Variants in YME1L1 observed in about 807,000 individuals in gnomAD.
YME1L1 encodes the protein YME1 like 1 ATPase.
A neutral mutation model predicts 90.4 loss-of-function variants in YME1L1; 39 were observed. That is an observed-to-expected ratio of 0.43 (90% confidence interval 0.33 to 0.56). YME1L1 has a LOEUF of 0.56. Among genes scored for constraint, YME1L1 ranks in the 20% least tolerant of loss-of-function variants. The probability of loss-of-function intolerance (pLI) is 0.03; values close to 1 mark genes in which losing one functional copy is unlikely to be tolerated. For missense variants in YME1L1, 617 were observed against 868.4 expected (o/e 0.71, Z 3.64); for synonymous variants, 284 against 287.3 (o/e 0.99, Z 0.12).
At chr10:27,113,991 A>C (rs1418157894) in intron 18 of YME1L1, among the ~76,000 whole-genome samples, 2 of 152,036 alleles carry the variant, frequency 1.3e-5, no homozygotes, top group Admixed American at 1.3e-4. Flanking sequence ...TACATGTCAA[A>C]GACTCAATAA....
At chr10:27,151,221 G>A (rs1203064861) in intron 1 of YME1L1, among the ~76,000 whole-genome samples, 9 of 152,166 alleles carry the variant, frequency 5.9e-5, no homozygotes, top group South Asian at 4.2e-4. Context: ...CGCGCCTGGC[G>A]ACTCTCTCGA....
chr10:27,149,711 CAAAAAAAAAAA>C (rs58900380), intron 1 of YME1L1, among the ~76,000 whole-genome samples: 4 of 32,360 alleles, frequency 1.2e-4, no homozygotes, highest in Non-Finnish European at 2.9e-4. Context: ...ACCTGTCTCT[CAAAAAAAAAAA>C]AAAAAAAAAA....
At chr10:27,120,044 A>G (rs1194955697) in intron 13 of YME1L1, among the ~76,000 whole-genome samples, 1 of 152,060 alleles carries the variant, frequency 6.6e-6, no homozygotes, top group Non-Finnish European at 1.5e-5. Context: ...ATAAATTTCC[A>G]TGTGTTTTGT....
rs1243954688 is a variant in YME1L1, at chr10:27,110,861, A to C, written c.*1116T>G. 1 of 152,098 alleles carries C rather than the reference A, an allele frequency of 6.6e-6. No individual in the cohort carries two copies. The highest frequency in any genetic ancestry group is 1.5e-5 in the Non-Finnish European group (1 of 68,014). 9.4% of individuals were successfully genotyped at this position (152,098 alleles called of 1,614,324 possible). ...ATGCACACAGCATTTCTGAAAGGTT[A>C]TAATAATTTATTTAATTTTTTTTTG... On this transcript the variant is annotated 3_prime_UTR_variant, in exon 19 of 19. Coordinates refer to ENST00000376016, the MANE Select transcript of YME1L1 (RefSeq NM_014263.4).
At chr10:27,129,948 C>A (rs1218880278) in intron 8 of YME1L1, among the ~76,000 whole-genome samples, 2 of 152,190 alleles carry the variant, frequency 1.3e-5, no homozygotes, top group Non-Finnish European at 2.9e-5. Context: ...AGTTTACCAA[C>A]ATTCCAACTT....
chr10:27,114,145 A>G (rs2056788506), intron 18 of YME1L1, among the ~76,000 whole-genome samples: 1 of 152,130 alleles, frequency 6.6e-6, no homozygotes, highest in Non-Finnish European at 1.5e-5. Context: ...GATGAATTGT[A>G]TAGTGGTAAA....
chr10:27,137,444 T>C (rs1481093628), intron 4 of YME1L1, among the ~76,000 whole-genome samples: 3 of 152,226 alleles, frequency 2.0e-5, no homozygotes, highest in South Asian at 2.1e-4. Context: ...AACATTCTTA[T>C]ATATGTATGT....
chr10:27,126,690 T>C lies in YME1L1; in HGVS notation c.949+6A>G, dbSNP rs955097137. On this transcript the variant is annotated splice_donor_region_variant and intron_variant, in intron 9 of 18. Transcript: ENST00000376016. ...ATCAAATCATGATAAAGAAAAGATATCTTACCTTTTGGAAGTTTACCTCCA... is the reference window on the plus strand; with the variant it reads ...ATCAAATCATGATAAAGAAAAGATACCTTACCTTTTGGAAGTTTACCTCCA... The C allele has an allele frequency of 1.4e-6, 2 of 1,444,458 alleles. No individual in the cohort carries two copies. Among genetic ancestry groups the C allele is most frequent in the East Asian group, 4.7e-5 (2 of 42,408 alleles). 89.5% of individuals were successfully genotyped at this position (1,444,458 alleles called of 1,614,324 possible).
chr10:27,116,301 G>A lies in YME1L1; in HGVS notation c.1764C>T (p.Ala588=). The A allele has an allele frequency of 1.2e-6, 2 of 1,614,096 alleles. No individual in the cohort carries two copies. Among genetic ancestry groups the A allele is most frequent in the Non-Finnish European group, 1.7e-6 (2 of 1,180,016 alleles). ...TAACATCCATTTGTGCAAGCAGCTG[G>A]GCTCTAGTTTCATTCCATCTGTCAT... is the stretch of plus-strand genomic sequence containing the variant. The part of the protein sequence containing the change: ...PENDRWNETR[A]QLLAQMDVSM... The change falls in exon 16 of 19, where the codon GCC becomes GCT. Residue 588 remains alanine (A), a synonymous_variant. Transcript: ENST00000376016.
chr10:27,123,446 A>G, intron 10 of YME1L1, 101 bp downstream of exon 10: 1 of 1,390,982 alleles, frequency 7.2e-7, no homozygotes, highest in African/African-American at 1.5e-5. Context: ...AAAAATAGAA[A>G]TTAAAAAAAG....
intron 1 of YME1L1, chr10:27,153,337 G>C (rs944851318): frequency 6.6e-6 from 3 of 455,102 alleles, no homozygotes; most frequent in Non-Finnish European, 1.3e-5. Context: ...TTACACAAAG[G>C]AACACAATCA....
At position 27,131,946 on chromosome 10, in the gene YME1L1, A is replaced by C; in HGVS notation, c.776-5T>G. 6.2e-7 allele frequency: 1 copy of C among 1,603,260 alleles called. No individual in the cohort carries two copies. The highest frequency in any genetic ancestry group is 8.5e-7 in the Non-Finnish European group (1 of 1,176,140). ...CTGTTGTTGTCCGGAAGCGGACTAA[A>C]GGGAAGAAAAGAAATGTTTATATTT... is the stretch of plus-strand genomic sequence containing the variant. On this transcript the variant is annotated splice_region_variant and splice_polypyrimidine_tract_variant and intron_variant, in intron 7 of 18. Coordinates refer to ENST00000376016, the MANE Select transcript of YME1L1 (RefSeq NM_014263.4).
At chr10:27,114,437 G>T in intron 18 of YME1L1, 84 bp downstream of exon 18, 1 of 972,526 alleles carries the variant, frequency 1.0e-6, no homozygotes, top group Non-Finnish European at 1.5e-6. Context: ...TGAACAGAGG[G>T]CCTTCAGCTG....
intron 1 of YME1L1, among the ~76,000 whole-genome samples, chr10:27,150,520 G>A (rs552786869): frequency 1.3e-5 from 2 of 152,290 alleles, no homozygotes; most frequent in South Asian, 2.1e-4. Context: ...CATAAAGACC[G>A]TGATGATAAA....
chr10:27,119,271 GA>G, intron 14 of YME1L1, 22 bp downstream of exon 14: 1 of 1,572,740 alleles, frequency 6.4e-7, no homozygotes, highest in Non-Finnish European at 8.6e-7. Flanking sequence ...GTAAAAGACA[GA>G]AAAAAAAGAA....
At chr10:27,146,315 A>T (rs1470861366) in intron 2 of YME1L1, 1 of 152,214 alleles carries the variant, frequency 6.6e-6, no homozygotes, top group Non-Finnish European at 1.5e-5. Flanking sequence ...ATATCTTCTA[A>T]TAAAGAAGAA....
chr10:27,118,351 G>A (rs1395847900), intron 14 of YME1L1, among the ~76,000 whole-genome samples: 1 of 150,022 alleles, frequency 6.7e-6, no homozygotes, highest in African/African-American at 2.5e-5. Flanking sequence ...GCATGATCAT[G>A]GCTCACTGTA....
At chr10:27,124,341 G>C (rs1430628423) in intron 9 of YME1L1, among the ~76,000 whole-genome samples, 6 of 152,156 alleles carry the variant, frequency 3.9e-5, no homozygotes, top group Admixed American at 2.6e-4. Flanking sequence ...AGTCTAAGTG[G>C]ATAGGATATG....
chr10:27,147,395 T>G (rs1310182988), intron 2 of YME1L1: 1 of 1,590,040 alleles, frequency 6.3e-7, no homozygotes, highest in Non-Finnish European at 8.6e-7. Flanking sequence ...AGAAGGCTGA[T>G]GGAACAAGTG....
Sources: gnomAD v4.1 joint callset for allele counts (sites outside exome capture counted in the v4.1 genomes callset) on GRCh38, gnomAD v4.1.1 for gene constraint, MANE v1.5 for transcripts, NCBI Gene and HGNC (gene_info 2026-07-23, HGNC 2026-07-21) for gene names.